CNTNAP2: variants seen among roughly 807,000 people sequenced by gnomAD.
CNTNAP2 encodes contactin associated protein 2, also known as contactin-associated protein-like 2.
A neutral mutation model predicts 155.2 loss-of-function variants in CNTNAP2; 98 were observed. The observed-to-expected ratio is 0.63, with a 90% CI of 0.54 to 0.75. The LOEUF is 0.75. CNTNAP2 is among the 30% of genes least tolerant of loss of function. CNTNAP2 has a pLI of 0.00. For synonymous variants in CNTNAP2, 651 were observed against 631.2 expected (o/e 1.03, Z -0.47); for missense variants, 1,727 against 1,688.1 (o/e 1.02, Z -0.40).
intron 1 of CNTNAP2, among the ~76,000 whole-genome samples, chr7:146,163,123 T>A (rs1482241994): frequency 6.6e-6 from 1 of 152,106 alleles, no homozygotes; most frequent in Non-Finnish European, 1.5e-5. Flanking sequence ...AACCTGCACG[T>A]TGTGCACATG....
In CNTNAP2 at chr7:147,062,045, G is replaced by A. The variant is rs912093881; in HGVS notation, c.550+17991G>A. ...CAGGAGGCTGAGGCAGGAGAATGGA[G>A]TGAACCCGGGAGGCAGAGCTTGCAG... On this transcript the variant is annotated intron_variant, in intron 4 of 23. Coordinates refer to ENST00000361727, the MANE Select transcript of CNTNAP2 (RefSeq NM_014141.6). Among the ~76,000 whole-genome samples the A allele has an allele frequency of 5.5e-5, 8 of 144,528 alleles. No individual in the cohort carries two copies. The East Asian group carries it at 8.8e-4, about 16-fold the overall frequency. The allele number at this position is 144,528 out of a possible 152,430, so 94.8% of individuals were successfully genotyped here. A position where few individuals can be genotyped will look rare whatever the true frequency, so the allele number is the denominator to read the frequency against.
At chr7:147,250,356 GA>G (rs927396486) in intron 8 of CNTNAP2, among the ~76,000 whole-genome samples, 2 of 151,794 alleles carry the variant, frequency 1.3e-5, no homozygotes, top group African/African-American at 4.8e-5. Context: ...CCTGCAAGGA[GA>G]AAAAAAGTGA....
intron 14 of CNTNAP2, among the ~76,000 whole-genome samples, chr7:147,929,929 C>T (rs545229214): frequency 6.6e-6 from 1 of 152,264 alleles, no homozygotes; most frequent in Non-Finnish European, 1.5e-5. Context: ...CCCTTGCACA[C>T]GCAGTTCACA....
chr7:148,069,740 ACAGACAAAGACTCCGT>A (rs1368535200), intron 15 of CNTNAP2, among the ~76,000 whole-genome samples: 1 of 146,870 alleles, frequency 6.8e-6, no homozygotes, highest in African/African-American at 2.7e-5. Flanking sequence ...AGCCTGGGTG[ACAGACAAAGACTCCGT>A]CTCAAAAAAA....
At chr7:147,136,834 C>T (rs147194186) in intron 8 of CNTNAP2, among the ~76,000 whole-genome samples, 2,593 of 151,914 alleles carry the variant, frequency 0.017, 30 homozygotes, top group Non-Finnish European at 0.024. Flanking sequence ...TAGTTGTTTA[C>T]TGAAAATTTT....
At chr7:147,905,404 C>T (rs1437166433) in intron 14 of CNTNAP2, among the ~76,000 whole-genome samples, 2 of 152,226 alleles carry the variant, frequency 1.3e-5, no homozygotes, top group African/African-American at 4.8e-5. Context: ...CTAGTACCTG[C>T]ACCTAAGTGA....
intron 18 of CNTNAP2, among the ~76,000 whole-genome samples, chr7:148,211,885 G>A (rs1396696872): frequency 6.6e-6 from 1 of 152,158 alleles, no homozygotes; most frequent in Non-Finnish European, 1.5e-5. Context: ...AAGTTACTGA[G>A]TCTAAAATAA....
intron 1 of CNTNAP2, among the ~76,000 whole-genome samples, chr7:146,319,004 A>G (rs1391448592): frequency 6.6e-6 from 1 of 152,128 alleles, no homozygotes; most frequent in Admixed American, 6.5e-5. Flanking sequence ...ACTGAGGCAC[A>G]AAAGGTAGAG....
intron 15 of CNTNAP2, among the ~76,000 whole-genome samples, chr7:148,046,945 T>C (rs1177126766): frequency 6.6e-6 from 1 of 152,208 alleles, no homozygotes; most frequent in Non-Finnish European, 1.5e-5. Flanking sequence ...ATTATACTAA[T>C]CATCAGATAT....
chr7:147,648,911 A>G (rs557060684), intron 13 of CNTNAP2, among the ~76,000 whole-genome samples: 114 of 152,312 alleles, frequency 7.5e-4, no homozygotes, highest in African/African-American at 2.7e-3. Flanking sequence ...GGAGAAGTCA[A>G]TGCTTGGCCA....
rs903546565 is a variant in CNTNAP2 at position 148,312,153 on chromosome 7, A to G, written c.3475+45027A>G. Among the ~76,000 whole-genome samples the G allele has an allele frequency of 4.6e-5, 7 of 152,326 alleles. No homozygotes were observed. The East Asian group carries it at 1.3e-3, about 29-fold the overall frequency. ...GCAGCTGCATGCAGACATGAGGGCT[A>G]GGCTAAAACAGTAAGGTCATAGTTG... On this transcript the variant is annotated intron_variant, in intron 21 of 23. Coordinates refer to ENST00000361727, the MANE Select transcript of CNTNAP2 (RefSeq NM_014141.6).
In CNTNAP2 at chr7:148,166,100, C is replaced by G. The variant is rs530893881; in HGVS notation, c.2774-6142C>G. On this transcript the variant is annotated intron_variant, in intron 17 of 23. Transcript: ENST00000361727. ...ACCCTACTTGAAATTGCAGCCTCCC[C>G]CACCCCACTCCAACTCTGGATCCCA... 2.8e-4 allele frequency among the ~76,000 whole-genome samples: 42 copies of G among 152,042 alleles called. No homozygotes were observed. The South Asian group carries it at 8.5e-3, about 31-fold the overall frequency.
At chr7:148,311,286 G>C (rs1238024813) in intron 21 of CNTNAP2, among the ~76,000 whole-genome samples, 1 of 152,132 alleles carries the variant, frequency 6.6e-6, no homozygotes, top group African/African-American at 2.4e-5. Flanking sequence ...GTGTTGCCTA[G>C]TCTGCATGTA....
intron 9 of CNTNAP2, among the ~76,000 whole-genome samples, chr7:147,346,895 C>G (rs564748118): frequency 3.5e-4 from 54 of 152,242 alleles, no homozygotes; most frequent in African/African-American, 1.3e-3. Flanking sequence ...TTTTCTCAAA[C>G]ATGTTACTCT....
chr7:146,970,654 G>A (rs569660395), intron 3 of CNTNAP2, among the ~76,000 whole-genome samples: 7 of 152,146 alleles, frequency 4.6e-5, no homozygotes, highest in Admixed American at 2.0e-4. Context: ...TCAGTGTGGC[G>A]ATTCCTCAGG....
intron 12 of CNTNAP2, 154 bp from the exon 13 acceptor site, chr7:147,638,952 A>T (rs531844282): frequency 1.8e-4 from 140 of 794,752 alleles, no homozygotes; most frequent in Non-Finnish European, 6.9e-5. Context: ...AGGGATGAGC[A>T]AAGAGCAGGG....
chr7:146,843,983 A>C (rs1210902237), intron 3 of CNTNAP2, among the ~76,000 whole-genome samples: 1 of 152,104 alleles, frequency 6.6e-6, no homozygotes, highest in Non-Finnish European at 1.5e-5. Flanking sequence ...TGTATATTGA[A>C]TCACATGAAT....
intron 10 of CNTNAP2, among the ~76,000 whole-genome samples, chr7:147,435,997 TAAAAGTTTCATGTG>T (rs1450817219): frequency 6.6e-6 from 1 of 152,180 alleles, no homozygotes; most frequent in Non-Finnish European, 1.5e-5. Context: ...TATAAGGATT[TAAAAGTTTCATGTG>T]ACCATTCAAA....
intron 21 of CNTNAP2, among the ~76,000 whole-genome samples, chr7:148,330,735 A>C (rs1797979516): frequency 7.3e-6 from 1 of 136,128 alleles, no homozygotes; most frequent in East Asian, 2.6e-4. Flanking sequence ...GAATGGATGG[A>C]TGGATGGATG....
Sources: allele counts gnomAD v4.1 joint callset (sites outside exome capture counted in the v4.1 genomes callset), GRCh38; gene constraint gnomAD v4.1.1; transcripts MANE v1.5; gene names NCBI Gene and HGNC (gene_info 2026-07-23, HGNC 2026-07-21).